SEL1L3: variants seen among roughly 807,000 people sequenced by gnomAD.
SEL1L3 encodes SEL1L family member 3.
Under a neutral mutation model 142.8 loss-of-function variants are expected in SEL1L3, and 76 were observed. The ratio of observed to expected loss-of-function variants is 0.53; its 90% CI spans 0.44 to 0.64. The LOEUF (loss-of-function observed/expected upper bound fraction) is 0.64. SEL1L3 is among the 30% of genes least tolerant of loss of function. The pLI is 0.00. For synonymous variants in SEL1L3, 504 were observed against 519.6 expected (o/e 0.97, Z 0.41); for missense variants, 1,262 against 1,381.7 (o/e 0.91, Z 1.37).
chr4:25,784,730 G>A (rs546572638), intron 13 of SEL1L3, among the ~76,000 whole-genome samples: 1 of 152,354 alleles, frequency 6.6e-6, no homozygotes, highest in African/African-American at 2.4e-5. Context: ...GATCTCCAGG[G>A]TGGAACATTG....
chr4:25,732,954 C>A, the SEL1L3 span, among the ~76,000 whole-genome samples: 1 of 152,074 alleles, frequency 6.6e-6, no homozygotes. Flanking sequence ...CCATGTTGGC[C>A]GGTATGGTCT....
intron 11 of SEL1L3, among the ~76,000 whole-genome samples, chr4:25,795,726 C>G (rs1468764968): frequency 6.6e-6 from 1 of 152,196 alleles, no homozygotes; most frequent in Non-Finnish European, 1.5e-5. Context: ...GTTGCCTTCT[C>G]CATAGTTCTG....
At chr4:25,831,337 C>A (rs1027649386) in intron 5 of SEL1L3, among the ~76,000 whole-genome samples, 3 of 151,800 alleles carry the variant, frequency 2.0e-5, no homozygotes, top group Admixed American at 2.0e-4. Flanking sequence ...TGCTAACCCC[C>A]AATAACATGC....
chr4:25,797,334 G>A (rs1024420299), intron 11 of SEL1L3, among the ~76,000 whole-genome samples: 9 of 152,184 alleles, frequency 5.9e-5, no homozygotes, highest in African/African-American at 1.9e-4. Flanking sequence ...CAGTTGTGGA[G>A]CCTGCACTTC....
the SEL1L3 span, among the ~76,000 whole-genome samples, chr4:25,734,991 T>C: frequency 2.0e-5 from 3 of 151,214 alleles, no homozygotes; most frequent in Admixed American, 6.6e-5. Flanking sequence ...GTATTTTTTT[T>C]CTTTTTTTTC....
chr4:25,790,555 C>T lies in SEL1L3; in HGVS notation c.1976G>A (p.Arg659Lys), dbSNP rs1406246639. ...CTTGAGTATTTCATCATCTTTTAGT[C>T]TAATTGTTTCAACATATGCCTGAGA... ...QGDQAYVETI[R>K]LKDDEILKVQ... The change falls in exon 12 of 24, where the codon AGA becomes AAA. Residue 659 changes from arginine to lysine, a missense_variant. Transcript: ENST00000399878. 2 of 1,605,816 alleles carry T rather than the reference C, an allele frequency of 1.2e-6. No individual in the cohort carries two copies. The highest frequency in any genetic ancestry group is 2.2e-5 in the East Asian group (1 of 44,466).
intron 1 of SEL1L3, among the ~76,000 whole-genome samples, chr4:25,853,947 CA>C (rs1194295676): frequency 6.6e-6 from 1 of 152,168 alleles, no homozygotes; most frequent in Non-Finnish European, 1.5e-5. Flanking sequence ...GCTAGGATTA[CA>C]GGTGTGAGCC....
chr4:25,726,844 A>G, the SEL1L3 span, among the ~76,000 whole-genome samples: 1 of 152,132 alleles, frequency 6.6e-6, no homozygotes, highest in Non-Finnish European at 1.5e-5. Context: ...AATACCACAG[A>G]CTGGGTGGCT....
At chr4:25,816,484 T>C (rs1212602809) in intron 9 of SEL1L3, among the ~76,000 whole-genome samples, 1 of 152,138 alleles carries the variant, frequency 6.6e-6, no homozygotes, top group Non-Finnish European at 1.5e-5. Flanking sequence ...AGAGCCCATC[T>C]CTACATCCTT....
At chr4:25,734,557 T>C in the SEL1L3 span, among the ~76,000 whole-genome samples, 2 of 152,044 alleles carry the variant, frequency 1.3e-5, no homozygotes, top group African/African-American at 4.8e-5. Flanking sequence ...CGGTAATATT[T>C]GGTTAAGGAT....
At chr4:25,748,666 A>G in intron 23 of SEL1L3, 102 bp from the exon 24 acceptor site, 4 of 1,256,246 alleles carry the variant, frequency 3.2e-6, no homozygotes, top group Non-Finnish European at 4.4e-6. Flanking sequence ...AGATGCATCT[A>G]GTCTAATGAA....
chr4:25,766,580 A>G (rs1422698389), intron 19 of SEL1L3, among the ~76,000 whole-genome samples: 1 of 152,082 alleles, frequency 6.6e-6, no homozygotes, highest in African/African-American at 2.4e-5. Flanking sequence ...GGCAAATGGA[A>G]AACAATAGGC....
rs879314675 is a variant in SEL1L3 at position 25,862,579 on chromosome 4, G to C, written c.162+96C>G. 107 of 576,074 alleles carry C rather than the reference G, an allele frequency of 1.9e-4. 1 individual carries two copies. The highest frequency in any genetic ancestry group is 5.8e-4 in the Middle Eastern group (1 of 1,722). 35.7% of individuals were successfully genotyped at this position (576,074 alleles called of 1,614,324 possible). A position where few individuals can be genotyped will look rare whatever the true frequency, so the allele number is the denominator to read the frequency against. ...AGGAAGAGAGAAAACTAGCAGCGGCGTCCCCGCCCCGCGTGGCGGGTGTCC... is the reference window on the plus strand; with the variant it reads ...AGGAAGAGAGAAAACTAGCAGCGGCCTCCCCGCCCCGCGTGGCGGGTGTCC... On this transcript the variant is annotated intron_variant, in intron 1 of 23. Transcript: ENST00000399878.
chr4:25,834,084 G>A lies in SEL1L3; in HGVS notation c.861-515C>T, dbSNP rs180810048. On this transcript the variant is annotated intron_variant, in intron 3 of 23. Coordinates refer to ENST00000399878, the MANE Select transcript of SEL1L3 (RefSeq NM_015187.5). ...TATGTGATAATAGGGACACATATAT[G>A]CTATTTTCATGCTCAGATTAGGTTA... 3.9e-4 allele frequency among the ~76,000 whole-genome samples: 60 copies of A among 152,326 alleles called. No individual in the cohort carries two copies. In the East Asian group the frequency reaches 0.012, roughly 29 times the overall value.
chr4:25,768,107 T>C (rs533287679), intron 17 of SEL1L3, among the ~76,000 whole-genome samples: 34 of 151,878 alleles, frequency 2.2e-4, no homozygotes, highest in Middle Eastern at 6.8e-3. Context: ...GGCTGGGGAG[T>C]TGTCTACTAG....
chr4:25,740,499 G>A, the SEL1L3 span, among the ~76,000 whole-genome samples: 3 of 151,142 alleles, frequency 2.0e-5, no homozygotes, highest in South Asian at 2.1e-4. Flanking sequence ...GACAACCATC[G>A]AGCACATCCG....
intron 20 of SEL1L3, among the ~76,000 whole-genome samples, chr4:25,760,447 T>C (rs1447129133): frequency 1.3e-5 from 2 of 152,156 alleles, no homozygotes; most frequent in Non-Finnish European, 2.9e-5. Context: ...AGTAATGAGA[T>C]TGCTGGGTCT....
the SEL1L3 span, among the ~76,000 whole-genome samples, chr4:25,726,105 T>G: frequency 6.6e-6 from 1 of 151,918 alleles, no homozygotes; most frequent in African/African-American, 2.4e-5. Context: ...ACGCCTCTGA[T>G]GAAAGTACCA....
At chr4:25,760,129 T>A (rs946776151) in intron 20 of SEL1L3, among the ~76,000 whole-genome samples, 1 of 152,170 alleles carries the variant, frequency 6.6e-6, no homozygotes, top group Non-Finnish European at 1.5e-5. Context: ...TATGTGCCCA[T>A]GTGTTCTCAT....
Sources: allele counts gnomAD v4.1 joint callset (sites outside exome capture counted in the v4.1 genomes callset), GRCh38; gene constraint gnomAD v4.1.1; transcripts MANE v1.5; gene names NCBI Gene and HGNC (gene_info 2026-07-23, HGNC 2026-07-21).